Variants in IMPA1 observed in about 807,000 individuals in gnomAD.
IMPA1 encodes the protein inositol monophosphatase 1.
Under a neutral mutation model 34.9 loss-of-function variants are expected in IMPA1, and 21 were observed. The observed-to-expected ratio is 0.60, with a 90% CI of 0.43 to 0.87. The LOEUF is 0.87. Ranked by LOEUF, IMPA1 falls within the 40% of genes least tolerant of loss-of-function variation. IMPA1 has a pLI of 0.00. For missense variants in IMPA1, 299 were observed against 336.4 expected (o/e 0.89, Z 0.87); for synonymous variants, 95 against 104.4 (o/e 0.91, Z 0.55).
intron 5 of IMPA1, among the ~76,000 whole-genome samples, chr8:81,675,255 C>G (rs115981138): frequency 2.0e-5 from 3 of 151,100 alleles, no homozygotes; most frequent in Non-Finnish European, 2.9e-5. Flanking sequence ...ACCACCCCCC[C>G]ACCCCCGCCA....
chr8:81,671,910 A>G (rs2130284401), intron 6 of IMPA1, among the ~76,000 whole-genome samples: 1 of 152,308 alleles, frequency 6.6e-6, no homozygotes, highest in East Asian at 1.9e-4. Flanking sequence ...AGGAAAAAAA[A>G]TAAAAGTTAC....
At chr8:81,670,682 C>T (rs955453450) in intron 7 of IMPA1, among the ~76,000 whole-genome samples, 1 of 152,126 alleles carries the variant, frequency 6.6e-6, no homozygotes, top group Non-Finnish European at 1.5e-5. Context: ...TGACTCTAGA[C>T]TGAATCCTAC....
At chr8:81,677,521 T>C (rs542718927) in intron 4 of IMPA1, among the ~76,000 whole-genome samples, 7 of 152,180 alleles carry the variant, frequency 4.6e-5, no homozygotes, top group Non-Finnish European at 1.0e-4. Context: ...AAGTAGACTT[T>C]GAGCCAAAAT....
Position 81,657,945 on chromosome 8 carries a change from T to A in IMPA1, c.*1406A>T, listed in dbSNP as rs147683557. The A allele has an allele frequency of 8.9e-4, 136 of 152,130 alleles. No homozygotes were observed. Among genetic ancestry groups the A allele is most frequent in the African/African-American group, 3.1e-3 (128 of 41,516 alleles). 9.4% of individuals were successfully genotyped at this position (152,130 alleles called of 1,614,324 possible). ...ATAATAATGATAATGGTAATAATAA[T>A]AAAAATATCAATTTAAAGTTTTATT... On this transcript the variant is annotated 3_prime_UTR_variant, in exon 9 of 9. Transcript: ENST00000256108.
intron 1 of IMPA1, chr8:81,686,010 C>T: frequency 7.2e-7 from 1 of 1,394,618 alleles, no homozygotes; most frequent in Non-Finnish European, 9.5e-7. Flanking sequence ...TCCACAGAAG[C>T]CGCCACAGAG....
At chr8:81,672,301 A>G (rs796225344) in intron 6 of IMPA1, among the ~76,000 whole-genome samples, 4 of 152,346 alleles carry the variant, frequency 2.6e-5, no homozygotes, top group African/African-American at 9.6e-5. Context: ...AAAGAAAAAG[A>G]AAAGTTTTAA....
intron 5 of IMPA1, chr8:81,674,217 T>G: frequency 6.0e-6 from 2 of 330,978 alleles, no homozygotes; most frequent in African/African-American, 2.1e-5. Flanking sequence ...AGGGCTTTCC[T>G]ATTTTCTAAG....
At position 81,680,643 on chromosome 8, in the gene IMPA1, A is replaced by C; in HGVS notation, c.197+7T>G. 6.3e-7 allele frequency: 1 copy of C among 1,599,772 alleles called. No individual in the cohort carries two copies. The highest frequency in any genetic ancestry group is 8.5e-7 in the Non-Finnish European group (1 of 1,169,708). ...AAACATTTCTTGTACACAGTAAATA[A>C]AAATACCTGTGAGATGGATACTTTT... On this transcript the variant is annotated splice_region_variant and intron_variant, in intron 3 of 8. Transcript: ENST00000256108.
rs191556515 is a variant in IMPA1 at position 81,677,533 on chromosome 8, T to C, written c.303-1254A>G. Among the ~76,000 whole-genome samples, 162 of 152,328 alleles carry C rather than the reference T, an allele frequency of 1.1e-3. 1 individual carries two copies. The highest frequency in any genetic ancestry group is 3.7e-3 in the African/African-American group (153 of 41,572). On this transcript the variant is annotated intron_variant, in intron 4 of 8. Transcript: ENST00000256108. ...GAAAAGTAGACTTTGAGCCAAAATT[T>C]TTCCATAGCTGCATGACAGTCTGAA...
intron 7 of IMPA1, among the ~76,000 whole-genome samples, chr8:81,667,133 A>G (rs930738902): frequency 5.3e-5 from 8 of 152,112 alleles, no homozygotes; most frequent in African/African-American, 1.7e-4. Flanking sequence ...ATAGACAAAA[A>G]AAATTAATTA....
At chr8:81,679,897 G>A (rs1161932075) in intron 3 of IMPA1, among the ~76,000 whole-genome samples, 1 of 152,012 alleles carries the variant, frequency 6.6e-6, no homozygotes, top group Non-Finnish European at 1.5e-5. Context: ...AACACTTTGG[G>A]AGGCTGAGGC....
At chr8:81,664,362 G>A (rs1297327596) in intron 7 of IMPA1, among the ~76,000 whole-genome samples, 2 of 152,100 alleles carry the variant, frequency 1.3e-5, no homozygotes, top group Non-Finnish European at 2.9e-5. Context: ...CCTCTAAGTA[G>A]AAGAAAAACA....
chr8:81,673,798 A>T (rs752094409), intron 6 of IMPA1, 43 bp downstream of exon 6: 2 of 1,046,234 alleles, frequency 1.9e-6, no homozygotes, highest in Non-Finnish European at 3.0e-6. Flanking sequence ...TAAAATATTG[A>T]GCACACAATA....
chr8:81,684,896 TATACATAAGTATATTTAGATAC>T (rs1239378732), intron 1 of IMPA1, among the ~76,000 whole-genome samples: 3 of 133,818 alleles, frequency 2.2e-5, no homozygotes, highest in African/African-American at 8.5e-5. Context: ...GTATATATAC[TATACATAAGTATATTTAGATAC>T]TATGTATAGT....
At chr8:81,678,705 C>A (rs565861897) in intron 4 of IMPA1, 62 of 169,238 alleles carry the variant, frequency 3.7e-4, no homozygotes, top group South Asian at 1.2e-3. Context: ...AAAAAAAAAA[C>A]CATATTTTTA....
At chr8:81,665,104 T>C (rs1199256450) in intron 7 of IMPA1, among the ~76,000 whole-genome samples, 1 of 152,164 alleles carries the variant, frequency 6.6e-6, no homozygotes, top group Non-Finnish European at 1.5e-5. Flanking sequence ...ACAAAACTAC[T>C]GCAAAACATC....
chr8:81,685,561 CTATA>C (rs1406973150), intron 1 of IMPA1, among the ~76,000 whole-genome samples: 1 of 142,408 alleles, frequency 7.0e-6, no homozygotes, highest in East Asian at 2.0e-4. Context: ...TATTTATGTA[CTATA>C]TATAAGTATA....
chr8:81,668,261 A>G (rs1806891120), intron 7 of IMPA1, among the ~76,000 whole-genome samples: 1 of 152,210 alleles, frequency 6.6e-6, no homozygotes, highest in Non-Finnish European at 1.5e-5. Flanking sequence ...CAAGCAAAGA[A>G]GTAATTTAAA....
At chr8:81,664,396 C>T (rs1043958829) in intron 7 of IMPA1, among the ~76,000 whole-genome samples, 3 of 152,090 alleles carry the variant, frequency 2.0e-5, no homozygotes, top group African/African-American at 7.2e-5. Context: ...TAACAGAGCA[C>T]CGGAAGCCCG....
Sources: gnomAD v4.1 joint callset for allele counts (sites outside exome capture counted in the v4.1 genomes callset) on GRCh38, gnomAD v4.1.1 for gene constraint, MANE v1.5 for transcripts, NCBI Gene and HGNC (gene_info 2026-07-23, HGNC 2026-07-21) for gene names.